POLQ: variants seen among roughly 807,000 people sequenced by gnomAD.
POLQ encodes DNA polymerase theta, also known as epididymis secretory sperm binding protein.
Under a neutral mutation model 259.2 loss-of-function variants are expected in POLQ, and 233 were observed. The ratio of observed to expected loss-of-function variants is 0.90; its 90% CI spans 0.81 to 1.00. POLQ has a LOEUF of 1.00. Among genes scored for constraint, POLQ ranks in the 50% least tolerant of loss-of-function variants. The probability of loss-of-function intolerance (pLI) is 0.00; values close to 1 mark genes in which losing one functional copy is unlikely to be tolerated. For missense variants in POLQ, 2,871 were observed against 3,051.6 expected (o/e 0.94, Z 1.39); for synonymous variants, 1,025 against 1,048.8 (o/e 0.98, Z 0.44).
chr3:121,509,025 G>C (rs368927385), intron 12 of POLQ, among the ~76,000 whole-genome samples: 3 of 152,154 alleles, frequency 2.0e-5, no homozygotes, highest in Non-Finnish European at 2.9e-5. Flanking sequence ...ACAATGTTAA[G>C]TTCCAAAGTA....
At position 121,432,158 on chromosome 3, in the gene POLQ, T is replaced by G; in HGVS notation, c.*146A>C. 1.4e-6 allele frequency: 1 copy of G among 711,366 alleles called. No individual in the cohort carries two copies. Among genetic ancestry groups the G allele is most frequent in the Non-Finnish European group, 2.2e-6 (1 of 459,384 alleles). 44.1% of individuals were successfully genotyped at this position (711,366 alleles called of 1,614,324 possible). ...ATGCTATAGACACTGATATATAGTT[T>G]GAAACTCTCACTATAAAATTACTAG... On this transcript the variant is annotated 3_prime_UTR_variant, in exon 30 of 30. Coordinates refer to ENST00000264233, the MANE Select transcript of POLQ (RefSeq NM_199420.4).
intron 24 of POLQ, among the ~76,000 whole-genome samples, chr3:121,463,766 C>T (rs983088812): frequency 2.0e-5 from 3 of 151,814 alleles, no homozygotes; most frequent in Non-Finnish European, 4.4e-5. Flanking sequence ...TTAAAAACTT[C>T]TTTTTTTTAG....
chr3:121,510,812 A>G (rs2048249444), intron 10 of POLQ, among the ~76,000 whole-genome samples: 1 of 151,310 alleles, frequency 6.6e-6, no homozygotes, highest in Non-Finnish European at 1.5e-5. Flanking sequence ...TGGGCCAGGC[A>G]CGGTGGCTCA....
intron 20 of POLQ, among the ~76,000 whole-genome samples, chr3:121,475,996 G>C: frequency 6.6e-6 from 1 of 151,310 alleles, no homozygotes; most frequent in East Asian, 1.9e-4. Context: ...GAGAAACCAA[G>C]TTCCTCATTT....
chr3:121,539,547 C>T lies in POLQ; in HGVS notation c.517G>A (p.Gly173Ser). The T allele has an allele frequency of 6.2e-7, 1 of 1,612,448 alleles. No homozygotes were observed. Among genetic ancestry groups the T allele is most frequent in the Non-Finnish European group, 8.5e-7 (1 of 1,178,580 alleles). The change falls in exon 4 of 30, where the codon GGC (glycine) becomes AGC (serine). Residue 173 changes from glycine (G) to serine (S), a missense_variant. Physicochemically the swap from Gly to Ser is moderately conservative, Grantham distance 56. Coordinates refer to ENST00000264233, the MANE Select transcript of POLQ (RefSeq NM_199420.4). The stretch of plus-strand genomic sequence containing the variant: ...AAATGCCTTGATGGAGAGGTGCTGC[C>T]CATATAACCGTCTACTTTTATTCCT... ...EVGIKVDGYMGSTSPSRHFSS... is the reference protein window; with the variant it reads ...EVGIKVDGYMSSTSPSRHFSS...
At chr3:121,480,560 A>G (rs2047962540) in intron 19 of POLQ, among the ~76,000 whole-genome samples, 1 of 151,846 alleles carries the variant, frequency 6.6e-6, no homozygotes, top group Non-Finnish European at 1.5e-5. Flanking sequence ...GGCTCCAGTG[A>G]TCCTCCCACC....
chr3:121,473,869 GGCAT>G (rs1015194067), intron 20 of POLQ, among the ~76,000 whole-genome samples: 1 of 151,802 alleles, frequency 6.6e-6, no homozygotes, highest in African/African-American at 2.4e-5. Context: ...TAGGGCCACA[GGCAT>G]GCACCACCAT....
intron 5 of POLQ, among the ~76,000 whole-genome samples, chr3:121,536,423 T>A (rs2048451354): frequency 6.6e-6 from 1 of 152,120 alleles, no homozygotes; most frequent in South Asian, 2.1e-4. Context: ...TAAATATTTT[T>A]AAAAAGCTAG....
chr3:121,521,404 C>T (rs975131146), intron 8 of POLQ, among the ~76,000 whole-genome samples: 2 of 152,134 alleles, frequency 1.3e-5, no homozygotes, highest in Non-Finnish European at 2.9e-5. Context: ...CTCACACACA[C>T]ACATTTCTAA....
intron 12 of POLQ, among the ~76,000 whole-genome samples, chr3:121,503,105 G>A (rs10934551): frequency 0.59 from 89,215 of 152,018 alleles, 27,353 homozygotes; most frequent in East Asian, 0.89. Flanking sequence ...TGACATCATA[G>A]TCATCAAATA....
intron 22 of POLQ, among the ~76,000 whole-genome samples, chr3:121,470,802 G>A (rs907687382): frequency 2.6e-5 from 4 of 152,046 alleles, no homozygotes; most frequent in Admixed American, 2.6e-4. Flanking sequence ...ATAGAGACAT[G>A]GTTTTGACTT....
intron 22 of POLQ, among the ~76,000 whole-genome samples, chr3:121,469,185 C>CAAAA (rs36073350): frequency 8.8e-6 from 1 of 113,228 alleles, no homozygotes; most frequent in African/African-American, 3.5e-5. Flanking sequence ...GAGACTGTCT[C>CAAAA]AAAAAAAAAA....
intron 24 of POLQ, among the ~76,000 whole-genome samples, chr3:121,463,188 G>A (rs1386029484): frequency 1.3e-5 from 2 of 152,112 alleles, no homozygotes; most frequent in Non-Finnish European, 2.9e-5. Context: ...TGAATCATGG[G>A]GGTGGTTTCC....
chr3:121,488,779 C>A lies in POLQ; in HGVS notation c.4152G>T (p.Ala1384=). The A allele has an allele frequency of 6.2e-7, 1 of 1,613,896 alleles. No individual in the cohort carries two copies. Among genetic ancestry groups the A allele is most frequent in the Non-Finnish European group, 8.5e-7 (1 of 1,179,942 alleles). Residue 1384 remains alanine (A), a synonymous_variant, in exon 16 of 30, where the codon GCG becomes GCT. Coordinates refer to ENST00000264233, the MANE Select transcript of POLQ (RefSeq NM_199420.4). ...PFPAEQHPLG[A]TKIDHLDLKT... ...TAAGGTCCAAATGATCTATCTTAGTCGCTCCTAGAGGGTGCTGTTCAGCAG... is the reference window on the plus strand; with the variant it reads ...TAAGGTCCAAATGATCTATCTTAGTAGCTCCTAGAGGGTGCTGTTCAGCAG...
chr3:121,512,179 T>C, intron 9 of POLQ, 150 bp from the exon 10 acceptor site: 1 of 639,462 alleles, frequency 1.6e-6, no homozygotes, highest in Non-Finnish European at 2.6e-6. Context: ...TTTTTTGAAC[T>C]TTGGACAGAA....
intron 12 of POLQ, among the ~76,000 whole-genome samples, chr3:121,508,702 G>C (rs2048229656): frequency 6.6e-6 from 1 of 152,170 alleles, no homozygotes; most frequent in Non-Finnish European, 1.5e-5. Context: ...AATTGGTACT[G>C]TCTAGACATT....
chr3:121,484,189 T>G (rs2047992572), intron 17 of POLQ, among the ~76,000 whole-genome samples: 1 of 152,202 alleles, frequency 6.6e-6, no homozygotes, highest in African/African-American at 2.4e-5. Flanking sequence ...CAGCATCCTT[T>G]AAAATGTTTC....
At chr3:121,527,503 C>A (rs1012031934) in intron 7 of POLQ, among the ~76,000 whole-genome samples, 3 of 152,328 alleles carry the variant, frequency 2.0e-5, no homozygotes, top group African/African-American at 7.2e-5. Flanking sequence ...AGCAGGTATG[C>A]CTTTCATATA....
In POLQ at chr3:121,432,409, C is replaced by G; in HGVS notation, c.7668G>C (p.Gln2556His). The G allele has an allele frequency of 6.2e-7, 1 of 1,605,822 alleles. No individual in the cohort carries two copies. The highest frequency in any genetic ancestry group is 1.1e-5 in the South Asian group (1 of 89,636). ...CACTTTCCATTTCATTCTTGACAAT[C>G]TGAGCTACCTAAGGAAAAAAAAAAT... Reference protein sequence around the residue: ...VAEEDVVQVAQIVKNEMESAV... With the variant: ...VAEEDVVQVAHIVKNEMESAV... The change falls in exon 30 of 30, where the codon CAG becomes CAC. Residue 2556 changes from glutamine (Q) to histidine (H), a missense_variant. By Grantham distance (24) the Gln-to-His change is conservative. This residue lies in a region of POLQ where 2,080 missense variants were observed against 2,126.0 expected (regional missense o/e 0.98). Coordinates refer to ENST00000264233, the MANE Select transcript of POLQ (RefSeq NM_199420.4).
Sources: allele counts gnomAD v4.1 joint callset (sites outside exome capture counted in the v4.1 genomes callset), GRCh38; gene constraint gnomAD v4.1.1; regional missense constraint gnomAD v4.1.1; transcripts MANE v1.5; gene names NCBI Gene and HGNC (gene_info 2026-07-23, HGNC 2026-07-21).